Variants in CARMIL1 observed in about 807,000 individuals in gnomAD.
CARMIL1 encodes the protein capping protein regulator and myosin 1 linker 1, also known as F-actin-uncapping protein LRRC16A.
A neutral mutation model predicts 177.1 loss-of-function variants in CARMIL1; 90 were observed. The ratio of observed to expected loss-of-function variants is 0.51; its 90% CI spans 0.43 to 0.61. The LOEUF (loss-of-function observed/expected upper bound fraction) is 0.61. Ranked by LOEUF, CARMIL1 falls within the 20% of genes least tolerant of loss-of-function variation. The probability of loss-of-function intolerance (pLI) is 0.00; values close to 1 mark genes in which losing one functional copy is unlikely to be tolerated. For synonymous variants in CARMIL1, 577 were observed against 606.2 expected, an observed-to-expected ratio of 0.95 and a Z score of 0.71; for missense variants, 1,380 against 1,667.0, an observed-to-expected ratio of 0.83 and a Z score of 3.00.
chr6:25,324,634 A>G (rs1784929798), intron 2 of CARMIL1, among the ~76,000 whole-genome samples: 1 of 152,154 alleles, frequency 6.6e-6, no homozygotes, highest in African/African-American at 2.4e-5. Context: ...GCACTTTCTC[A>G]GTGTTGGGAG....
chr6:25,510,736 G>A lies in CARMIL1; in HGVS notation c.1606G>A (p.Val536Ile), dbSNP rs1280618128. The A allele has an allele frequency of 6.5e-7, 1 of 1,546,658 alleles. No individual in the cohort carries two copies. Residue 536 changes from valine to isoleucine, a missense_variant, in exon 20 of 37, where the codon GTA (valine) becomes ATA (isoleucine). Transcript: ENST00000329474. Reference sequence around the variant, plus strand: ...TCTGACACCTGTATTGGACAACTTAGTACAGATGATTCAAGATGAAGAATC... The same window carrying A: ...TCTGACACCTGTATTGGACAACTTAATACAGATGATTCAAGATGAAGAATC... ...KNLTPVLDNL[V>I]QMIQDEESPL...
At chr6:25,510,939 A>G (rs997348351) in intron 20 of CARMIL1, among the ~76,000 whole-genome samples, 177 bp downstream of exon 20, 1 of 119,278 alleles carries the variant, frequency 8.4e-6, no homozygotes, top group Non-Finnish European at 1.8e-5. Flanking sequence ...TGTATTTAAA[A>G]ACTTTTTTTA....
intron 24 of CARMIL1, among the ~76,000 whole-genome samples, chr6:25,529,450 T>C (rs1807496199): frequency 6.6e-6 from 1 of 152,126 alleles, no homozygotes; most frequent in Non-Finnish European, 1.5e-5. Context: ...TTTAAAAAAA[T>C]GTGAAATATT....
intron 15 of CARMIL1, among the ~76,000 whole-genome samples, chr6:25,493,746 G>A (rs1335026636): frequency 6.6e-6 from 1 of 152,086 alleles, no homozygotes. Flanking sequence ...TTCAAAAAGG[G>A]GCAGTGAATA....
chr6:25,453,874 T>C (rs1799235148), intron 8 of CARMIL1, among the ~76,000 whole-genome samples: 1 of 152,178 alleles, frequency 6.6e-6, no homozygotes, highest in South Asian at 2.1e-4. Flanking sequence ...GGCGTTTTTT[T>C]TGGACTTACT....
chr6:25,463,758 G>A (rs1481782507), intron 8 of CARMIL1, among the ~76,000 whole-genome samples: 1 of 151,550 alleles, frequency 6.6e-6, no homozygotes, highest in Non-Finnish European at 1.5e-5. Flanking sequence ...AGAGCATGTG[G>A]TCAATGGAGG....
At chr6:25,358,885 A>G (rs1289200611) in intron 2 of CARMIL1, among the ~76,000 whole-genome samples, 1 of 152,246 alleles carries the variant, frequency 6.6e-6, no homozygotes, top group Non-Finnish European at 1.5e-5. Context: ...AATAGCTATC[A>G]TGTGAATGAA....
intron 2 of CARMIL1, among the ~76,000 whole-genome samples, chr6:25,366,045 C>T (rs1294998881): frequency 4.6e-5 from 7 of 152,086 alleles, no homozygotes; most frequent in Non-Finnish European, 1.0e-4. Context: ...GTTGCTCAGG[C>T]TGGAGTACAG....
At chr6:25,416,117 TAGAAAGAGAC>T (rs1390575430) in intron 2 of CARMIL1, among the ~76,000 whole-genome samples, 7 of 152,090 alleles carry the variant, frequency 4.6e-5, no homozygotes, top group Non-Finnish European at 8.8e-5. Flanking sequence ...TGGCGGTGCA[TAGAAAGAGAC>T]AGAAGGAGAC....
intron 29 of CARMIL1, among the ~76,000 whole-genome samples, chr6:25,571,234 C>G (rs1284386907): frequency 6.6e-6 from 1 of 152,046 alleles, no homozygotes; most frequent in African/African-American, 2.4e-5. Flanking sequence ...CATTTCAGAG[C>G]TCAGAAAATC....
intron 2 of CARMIL1, among the ~76,000 whole-genome samples, chr6:25,351,753 C>A (rs1408142487): frequency 6.6e-6 from 1 of 152,104 alleles, no homozygotes; most frequent in African/African-American, 2.4e-5. Flanking sequence ...GCCTCGTTGT[C>A]CTCCTCTATA....
chr6:25,479,343 A>G (rs1195261613), intron 11 of CARMIL1: 1 of 440,610 alleles, frequency 2.3e-6, no homozygotes, highest in African/African-American at 2.0e-5. Context: ...GTTTCCTTGA[A>G]TAGATAGAGA....
intron 23 of CARMIL1, among the ~76,000 whole-genome samples, chr6:25,523,169 G>A (rs1806744649): frequency 6.6e-6 from 1 of 151,980 alleles, no homozygotes; most frequent in African/African-American, 2.4e-5. Context: ...AAAAAGCTGT[G>A]GTATGGCAAA....
At chr6:25,311,915 C>T (rs1373638852) in intron 2 of CARMIL1, among the ~76,000 whole-genome samples, 4 of 152,320 alleles carry the variant, frequency 2.6e-5, no homozygotes, top group African/African-American at 9.6e-5. Flanking sequence ...AGGCATTAGC[C>T]GCCTGTCAAA....
intron 24 of CARMIL1, among the ~76,000 whole-genome samples, chr6:25,529,876 C>T (rs1807575464): frequency 1.3e-5 from 2 of 149,852 alleles, no homozygotes; most frequent in South Asian, 2.2e-4. Flanking sequence ...ATTAAATAAA[C>T]TGATGGACAC....
Position 25,509,513 on chromosome 6 carries a change from G to A in CARMIL1, c.1396-143G>A. 1 of 635,320 alleles carries A rather than the reference G, an allele frequency of 1.6e-6. No homozygotes were observed. The highest frequency in any genetic ancestry group is 1.9e-5 in the South Asian group (1 of 53,558). 39.4% of individuals were successfully genotyped at this position (635,320 alleles called of 1,614,324 possible). ...ATAGGCTCTTTACCCACTGATAATA[G>A]CTTCTTTGGAGTTGATAAGCTTTTA... On this transcript the variant is annotated intron_variant, in intron 17 of 36. Coordinates refer to ENST00000329474, the MANE Select transcript of CARMIL1 (RefSeq NM_017640.6). This position sits in a 1 kb window ranked among gnomAD's most constrained non-coding sequence, Gnocchi z 4.1.
chr6:25,525,615 CTA>C (rs772658049), intron 23 of CARMIL1, among the ~76,000 whole-genome samples: 16 of 152,138 alleles, frequency 1.1e-4, no homozygotes, highest in Non-Finnish European at 2.1e-4. Flanking sequence ...TAATAGATGA[CTA>C]TTTTTTCAGA....
In CARMIL1 at chr6:25,405,899, T is replaced by C. The variant is rs571491728; in HGVS notation, c.139-14215T>C. Among the ~76,000 whole-genome samples the C allele has an allele frequency of 4.6e-5, 7 of 152,334 alleles. No individual in the cohort carries two copies. In the South Asian group the frequency reaches 1.5e-3, roughly 32 times the overall value. Reference sequence around the variant, plus strand: ...GAATTATTATCAGATTCACAGACCGTAGCAACTTTTTGCCTTCTAAAATCC... The same window carrying C: ...GAATTATTATCAGATTCACAGACCGCAGCAACTTTTTGCCTTCTAAAATCC... On this transcript the variant is annotated intron_variant, in intron 2 of 36. Coordinates refer to ENST00000329474, the MANE Select transcript of CARMIL1 (RefSeq NM_017640.6).
chr6:25,604,305 C>T (rs1016513904), intron 33 of CARMIL1, among the ~76,000 whole-genome samples: 3 of 152,122 alleles, frequency 2.0e-5, no homozygotes, highest in African/African-American at 7.2e-5. Context: ...GTCTCAAGCT[C>T]GTGACCTCAA....
Sources: gnomAD v4.1 joint callset for allele counts (sites outside exome capture counted in the v4.1 genomes callset) on GRCh38, gnomAD v4.1.1 for gene constraint, Gnocchi (gnomAD v3.1) non-coding constraint, MANE v1.5 for transcripts, NCBI Gene and HGNC (gene_info 2026-07-23, HGNC 2026-07-21) for gene names.